The following CFAP44 variants were observed in gnomAD, a reference collection of about 807,000 sequenced individuals.
The protein encoded by CFAP44 is cilia- and flagella-associated protein 44.
CFAP44 carries 134 observed loss-of-function variants against 216.2 expected under a neutral mutation model. That is an observed-to-expected ratio of 0.62 (90% CI 0.54 to 0.72). The LOEUF is 0.72. Ranked by LOEUF, CFAP44 falls within the 30% of genes least tolerant of loss-of-function variation. The probability of loss-of-function intolerance (pLI) is 0.00; values close to 1 mark genes in which losing one functional copy is unlikely to be tolerated. For synonymous variants in CFAP44, 700 were observed against 727.6 expected (o/e 0.96, Z 0.61); for missense variants, 2,035 against 2,182.1 (o/e 0.93, Z 1.34).
At chr3:113,297,124 T>A (rs1295165109) in intron 32 of CFAP44, among the ~76,000 whole-genome samples, 3 of 152,144 alleles carry the variant, frequency 2.0e-5, no homozygotes, top group African/African-American at 7.2e-5. Context: ...CCAACTGGAT[T>A]ATGGACTGAT....
chr3:113,309,113 A>C (rs950773620), intron 28 of CFAP44, among the ~76,000 whole-genome samples: 1 of 152,124 alleles, frequency 6.6e-6, no homozygotes, highest in Non-Finnish European at 1.5e-5. Flanking sequence ...CCTTTTTCTG[A>C]CTAGTTCCTG....
chr3:113,349,272 T>TA (rs1332253045), intron 22 of CFAP44, among the ~76,000 whole-genome samples: 13 of 152,262 alleles, frequency 8.5e-5, no homozygotes, highest in Admixed American at 2.6e-4. Context: ...CAATTTATCC[T>TA]AAAAGATAAG....
At chr3:113,319,645 T>G (rs1001885067) in intron 28 of CFAP44, among the ~76,000 whole-genome samples, 6 of 151,974 alleles carry the variant, frequency 3.9e-5, no homozygotes, top group South Asian at 2.1e-4. Flanking sequence ...TCTTCTCATC[T>G]GCACACAGAA....
At chr3:113,381,170 AC>A in intron 15 of CFAP44, 110 bp from the exon 16 acceptor site, 1 of 721,988 alleles carries the variant, frequency 1.4e-6, no homozygotes, top group Non-Finnish European at 2.0e-6. Context: ...CATGTTTAAA[AC>A]ACACTTAATT....
In CFAP44 at chr3:113,287,714, A is replaced by G. The variant is rs982051595; in HGVS notation, c.*3843T>C. 2 of 152,268 alleles carry G rather than the reference A, an allele frequency of 1.3e-5. No individual in the cohort carries two copies. Among genetic ancestry groups the G allele is most frequent in the Non-Finnish European group, 2.9e-5 (2 of 68,050 alleles). 9.4% of individuals were successfully genotyped at this position (152,268 alleles called of 1,614,324 possible). A position where few individuals can be genotyped will look rare whatever the true frequency, so the allele number is the denominator to read the frequency against. On this transcript the variant is annotated 3_prime_UTR_variant, in exon 35 of 35. Coordinates refer to ENST00000393845, the MANE Select transcript of CFAP44 (RefSeq NM_001164496.2). ...GGAAAAACAGGTTCATAGTTCTCTT[A>G]CCAACTGGACTTGAGATGAAGTTTA...
chr3:113,374,441 G>T (rs570554957), intron 17 of CFAP44, among the ~76,000 whole-genome samples: 99 of 151,788 alleles, frequency 6.5e-4, no homozygotes, highest in African/African-American at 2.3e-3. Flanking sequence ...CACACGTGCA[G>T]GTTTGTTACA....
Position 113,288,153 on chromosome 3 carries a change from G to A in CFAP44, c.*3404C>T, listed in dbSNP as rs557113966. The A allele has an allele frequency of 2.0e-5, 3 of 152,128 alleles. No homozygotes were observed. Among genetic ancestry groups the A allele is most frequent in the South Asian group, 2.1e-4 (1 of 4,826 alleles). The allele number at this position is 152,128 out of a possible 1,614,324, so 9.4% of individuals were successfully genotyped here. A position where few individuals can be genotyped will look rare whatever the true frequency, so the allele number is the denominator to read the frequency against. On this transcript the variant is annotated 3_prime_UTR_variant, in exon 35 of 35. Coordinates refer to ENST00000393845, the MANE Select transcript of CFAP44 (RefSeq NM_001164496.2). ...ATGAAATGCCACTTGAGACAATCTC[G>A]TTAAGTGGGGGGCCAGACCCTGGCT...
At chr3:113,376,995 T>C (rs1427984627) in intron 17 of CFAP44, among the ~76,000 whole-genome samples, 2 of 152,174 alleles carry the variant, frequency 1.3e-5, no homozygotes, top group East Asian at 1.9e-4. Flanking sequence ...CAGGAGACTG[T>C]TCTCCAATTA....
intron 24 of CFAP44, among the ~76,000 whole-genome samples, chr3:113,338,666 G>A (rs1950303680): frequency 6.6e-6 from 1 of 152,086 alleles, no homozygotes; most frequent in South Asian, 2.1e-4. Flanking sequence ...CAAACATTTG[G>A]GTGAAATTCT....
chr3:113,367,226 G>A (rs147380370), intron 18 of CFAP44, among the ~76,000 whole-genome samples: 3,636 of 152,308 alleles, frequency 0.024, 67 homozygotes, highest in African/African-American at 0.046. Flanking sequence ...CCAGCACAGC[G>A]TTCAAGCTCT....
At chr3:113,308,354 A>C in intron 28 of CFAP44, 86 bp from the exon 29 acceptor site, 2 of 1,089,494 alleles carry the variant, frequency 1.8e-6, no homozygotes, top group East Asian at 2.6e-5. Flanking sequence ...TTTTTCAATG[A>C]GTTAGTCACT....
chr3:113,433,491 A>C, intron 2 of CFAP44, 74 bp downstream of exon 2: 1 of 799,626 alleles, frequency 1.3e-6, no homozygotes, highest in South Asian at 1.8e-5. Flanking sequence ...TTTCCATTCT[A>C]CTATAAAAAT....
chr3:113,413,058 T>C (rs1934535232), intron 6 of CFAP44, among the ~76,000 whole-genome samples: 1 of 152,196 alleles, frequency 6.6e-6, no homozygotes, highest in South Asian at 2.1e-4. Flanking sequence ...TTTTTAATAA[T>C]TGCCATTCTG....
chr3:113,320,131 A>G (rs1183186673), intron 28 of CFAP44, among the ~76,000 whole-genome samples: 1 of 152,160 alleles, frequency 6.6e-6, no homozygotes, highest in Non-Finnish European at 1.5e-5. Flanking sequence ...GCCCTGCATC[A>G]GATGAATTCA....
chr3:113,342,837 T>TTAA (rs1553754834), intron 23 of CFAP44, among the ~76,000 whole-genome samples: 4,254 of 141,060 alleles, frequency 0.03, 104 homozygotes, highest in East Asian at 0.1. Context: ...TAAAAATACA[T>TTAA]AAAAAAAAAA....
intron 14 of CFAP44, among the ~76,000 whole-genome samples, chr3:113,396,100 C>A (rs1933983217): frequency 6.6e-6 from 1 of 152,124 alleles, no homozygotes; most frequent in African/African-American, 2.4e-5. Context: ...CAGAAATTCA[C>A]ACAAAAAAAT....
At chr3:113,358,709 T>C (rs1356910860) in intron 22 of CFAP44, 36 bp downstream of exon 22, 30 of 1,534,618 alleles carry the variant, frequency 2.0e-5, no homozygotes, top group Non-Finnish European at 2.4e-5. Context: ...ACATGTGCTC[T>C]CAAACATCTT....
intron 19 of CFAP44, among the ~76,000 whole-genome samples, chr3:113,364,731 G>A (rs1396653265): frequency 6.6e-6 from 1 of 152,060 alleles, no homozygotes; most frequent in South Asian, 2.1e-4. Flanking sequence ...CTCAATCCTA[G>A]CTACACAGTA....
chr3:113,299,605 C>A (rs1308524764), intron 32 of CFAP44, among the ~76,000 whole-genome samples: 1 of 152,178 alleles, frequency 6.6e-6, no homozygotes, highest in Non-Finnish European at 1.5e-5. Flanking sequence ...GAAGAGATAC[C>A]TACACTCCCA....
Sources: gnomAD v4.1 joint callset for allele counts (sites outside exome capture counted in the v4.1 genomes callset) on GRCh38, gnomAD v4.1.1 for gene constraint, MANE v1.5 for transcripts, NCBI Gene and HGNC (gene_info 2026-07-23, HGNC 2026-07-21) for gene names.